The following CRACD variants were observed in gnomAD, a reference collection of about 807,000 sequenced individuals.
CRACD encodes capping protein-inhibiting regulator of actin dynamics.
In CRACD, 56 loss-of-function variants were observed where a neutral mutation model predicts 106.8. The ratio of observed to expected loss-of-function variants is 0.52; its 90% CI spans 0.42 to 0.66. The LOEUF is 0.66. Among genes scored for constraint, CRACD ranks in the 30% least tolerant of loss-of-function variants. CRACD has a pLI of 0.00. For missense variants in CRACD, 1,730 were observed against 1,623.2 expected (o/e 1.07, Z -1.13); for synonymous variants, 754 against 670.8 (o/e 1.12, Z -1.92).
chr4:56,314,906 C>A lies in CRACD; in HGVS notation c.1404C>A (p.Ser468Arg), dbSNP rs756042628. ...GGCGAAGAGAGCAGCAGGGAAGGAG[C>A]GGGGATTTCCAGGGGGCCGATCGTC... ...AERRREQQGR[S>R]GDFQGADRPG... is the part of the protein sequence containing the mutation. Residue 468 changes from serine (S) to arginine (R), a missense_variant, in exon 8 of 11, where the codon AGC (serine) becomes AGA (arginine). Coordinates refer to ENST00000682029, the MANE Select transcript of CRACD (RefSeq NM_001393381.1). The surrounding 1 kb of genome is among the most constrained non-coding windows in gnomAD (Gnocchi z 4.4). The A allele has an allele frequency of 1.2e-6, 2 of 1,608,140 alleles. No homozygotes were observed. The highest frequency in any genetic ancestry group is 2.2e-5 in the South Asian group (2 of 89,452).
At chr4:56,183,165 G>A (rs907255747) in intron 2 of CRACD, among the ~76,000 whole-genome samples, 7 of 151,558 alleles carry the variant, frequency 4.6e-5, no homozygotes, top group South Asian at 2.1e-4. Context: ...CCTGGGAAGC[G>A]GAGGTTGCGG....
chr4:56,080,937 C>T (rs542695525), intron 1 of CRACD, among the ~76,000 whole-genome samples: 1 of 152,204 alleles, frequency 6.6e-6, no homozygotes, highest in Non-Finnish European at 1.5e-5. Flanking sequence ...CAAGCTACAT[C>T]AGATCTATCC....
chr4:56,227,708 A>G (rs900455386), intron 2 of CRACD, among the ~76,000 whole-genome samples: 3 of 152,144 alleles, frequency 2.0e-5, no homozygotes, highest in East Asian at 1.9e-4. Flanking sequence ...ACAAAACTCT[A>G]TTTACGAAAA....
chr4:56,317,184 G>C (rs1354035490), intron 8 of CRACD, among the ~76,000 whole-genome samples: 1 of 152,206 alleles, frequency 6.6e-6, no homozygotes, highest in Non-Finnish European at 1.5e-5. Flanking sequence ...TGGTCACCAG[G>C]TGGTCCTTGC....
chr4:56,317,448 C>T (rs901883299), intron 8 of CRACD, among the ~76,000 whole-genome samples: 1 of 152,186 alleles, frequency 6.6e-6, no homozygotes, highest in African/African-American at 2.4e-5. Flanking sequence ...CTTATTTACA[C>T]AAGCGATAAA....
At chr4:56,204,671 A>G (rs1474800374) in intron 2 of CRACD, among the ~76,000 whole-genome samples, 1 of 152,204 alleles carries the variant, frequency 6.6e-6, no homozygotes, top group Non-Finnish European at 1.5e-5. Flanking sequence ...TCCTAGGATG[A>G]TATACTTTTC....
chr4:56,261,361 CT>C (rs369710516), intron 2 of CRACD, among the ~76,000 whole-genome samples: 58 of 141,020 alleles, frequency 4.1e-4, no homozygotes, highest in Non-Finnish European at 5.2e-4. Context: ...TCTTCTTCTT[CT>C]TTTTTTTTTT....
chr4:56,133,139 G>T (rs977974106), intron 1 of CRACD, among the ~76,000 whole-genome samples: 1 of 152,068 alleles, frequency 6.6e-6, no homozygotes, highest in African/African-American at 2.4e-5. Flanking sequence ...ATTTTCTTAC[G>T]TCTGCAATGT....
intron 2 of CRACD, among the ~76,000 whole-genome samples, chr4:56,218,079 T>C (rs1738807655): frequency 6.6e-6 from 1 of 152,116 alleles, no homozygotes; most frequent in Non-Finnish European, 1.5e-5. Flanking sequence ...AATTTCCCCT[T>C]TTTACAAGGA....
chr4:56,075,304 T>C (rs1269095888), intron 1 of CRACD, among the ~76,000 whole-genome samples: 5 of 152,200 alleles, frequency 3.3e-5, no homozygotes, highest in Non-Finnish European at 7.4e-5. Flanking sequence ...TGGCCGTGAA[T>C]CCGTCTGGAC....
At chr4:56,111,556 T>G (rs573070888) in intron 1 of CRACD, among the ~76,000 whole-genome samples, 1 of 152,354 alleles carries the variant, frequency 6.6e-6, no homozygotes, top group African/African-American at 2.4e-5. Context: ...ATGTATATAT[T>G]TTTGAGACGA....
intron 2 of CRACD, among the ~76,000 whole-genome samples, chr4:56,224,314 T>C (rs923608370): frequency 8.5e-5 from 13 of 152,220 alleles, no homozygotes; most frequent in Non-Finnish European, 2.9e-5. Context: ...CACATTTCTA[T>C]TAAGTTTACA....
chr4:56,218,359 G>C (rs1738829218), intron 2 of CRACD, among the ~76,000 whole-genome samples: 1 of 151,788 alleles, frequency 6.6e-6, no homozygotes, highest in Non-Finnish European at 1.5e-5. Flanking sequence ...CAGTCCTCCT[G>C]CTTTGGCCTC....
intron 1 of CRACD, among the ~76,000 whole-genome samples, chr4:56,083,493 A>G (rs1733107956): frequency 6.6e-6 from 1 of 151,962 alleles, no homozygotes; most frequent in Admixed American, 6.6e-5. Context: ...CCATCCATCC[A>G]TCCCATACCA....
chr4:56,256,750 C>T (rs910267065), intron 2 of CRACD, among the ~76,000 whole-genome samples: 2 of 152,190 alleles, frequency 1.3e-5, no homozygotes, highest in Non-Finnish European at 2.9e-5. Flanking sequence ...TATCTTCTTT[C>T]TCTCAGCCCA....
At chr4:56,105,752 T>C (rs775976129) in intron 1 of CRACD, among the ~76,000 whole-genome samples, 1 of 152,206 alleles carries the variant, frequency 6.6e-6, no homozygotes, top group Non-Finnish European at 1.5e-5. Context: ...TCAAAATTTA[T>C]TGAGTTCACA....
Position 56,298,278 on chromosome 4 carries a change from G to A in CRACD, c.49G>A (p.Gly17Arg), listed in dbSNP as rs1320099823. 1 of 1,614,148 alleles carries A rather than the reference G, an allele frequency of 6.2e-7. No homozygotes were observed. Among genetic ancestry groups the A allele is most frequent in the East Asian group, 2.2e-5 (1 of 44,872 alleles). ...TGACAGTATTTTTATCCCTGATGGG[G>A]GAGCAGAAAGTGAGCAGACAGTTCA... ...SHDSIFIPDG[G>R]AESEQTVQAM... The change falls in exon 4 of 11, where the codon GGA becomes AGA. Residue 17 changes from glycine to arginine, a missense_variant. Gly to Arg is a moderately radical substitution (Grantham distance 125). Around this residue, in one of 5 missense-constraint regions of CRACD, gnomAD observed 1,620 missense variants for 1,481.6 expected, o/e 1.09. Coordinates refer to ENST00000682029, the MANE Select transcript of CRACD (RefSeq NM_001393381.1).
intron 10 of CRACD, among the ~76,000 whole-genome samples, chr4:56,325,559 A>C (rs545396682): frequency 6.6e-6 from 1 of 152,346 alleles, no homozygotes; most frequent in African/African-American, 2.4e-5. Flanking sequence ...AGTGTCTTTG[A>C]TGTTAATTAA....
intron 9 of CRACD, among the ~76,000 whole-genome samples, 198 bp from the exon 10 acceptor site, chr4:56,323,906 C>T (rs1378815985): frequency 6.6e-6 from 1 of 152,212 alleles, no homozygotes; most frequent in Non-Finnish European, 1.5e-5. Flanking sequence ...GTAACTTTCC[C>T]TGTTAGGCAC....
Sources: allele counts gnomAD v4.1 joint callset (sites outside exome capture counted in the v4.1 genomes callset), GRCh38; gene constraint gnomAD v4.1.1; regional missense constraint gnomAD v4.1.1; non-coding constraint Gnocchi (gnomAD v3.1); transcripts MANE v1.5; gene names NCBI Gene and HGNC (gene_info 2026-07-23, HGNC 2026-07-21).